Variants in SLC8A1 observed in about 807,000 individuals in gnomAD.
SLC8A1 encodes the protein solute carrier family 8 member A1.
SLC8A1 carries 18 observed loss-of-function variants against 68.3 expected under a neutral mutation model. The observed-to-expected ratio is 0.26, with a 90% CI of 0.18 to 0.39. The LOEUF (loss-of-function observed/expected upper bound fraction) is 0.39, where lower values mean the gene tolerates loss of function less well. Among genes scored for constraint, SLC8A1 ranks in the 10% least tolerant of loss-of-function variants. The pLI is 1.00. For missense variants in SLC8A1, 985 were observed against 1,156.7 expected, an observed-to-expected ratio of 0.85 and a Z score of 2.15; for synonymous variants, 475 against 415.5, an observed-to-expected ratio of 1.14 and a Z score of -1.74.
chr2:40,376,312 T>C (rs1272533756), intron 2 of SLC8A1, among the ~76,000 whole-genome samples: 1 of 152,132 alleles, frequency 6.6e-6, no homozygotes, highest in Non-Finnish European at 1.5e-5. Flanking sequence ...GTCAATATTT[T>C]GGTAAATAAT....
intron 2 of SLC8A1, among the ~76,000 whole-genome samples, chr2:40,203,452 A>G (rs897077523): frequency 6.6e-6 from 1 of 152,008 alleles, no homozygotes; most frequent in Non-Finnish European, 1.5e-5. Flanking sequence ...AAACCTAAAC[A>G]GAAATGTTTT....
chr2:40,402,325 G>A (rs1688990699), intron 2 of SLC8A1, among the ~76,000 whole-genome samples: 1 of 152,190 alleles, frequency 6.6e-6, no homozygotes, highest in African/African-American at 2.4e-5. Context: ...TCAGTTCCAA[G>A]AATTGCCCAC....
intron 2 of SLC8A1, among the ~76,000 whole-genome samples, chr2:40,182,412 T>A (rs2049775214): frequency 2.6e-5 from 4 of 152,170 alleles, no homozygotes; most frequent in Admixed American, 2.6e-4. Context: ...CAGTTACAAA[T>A]CTTACGATAG....
intron 4 of SLC8A1, among the ~76,000 whole-genome samples, chr2:40,171,288 A>G (rs903068476): frequency 7.2e-5 from 11 of 152,234 alleles, no homozygotes; most frequent in African/African-American, 2.4e-4. Flanking sequence ...GGCTTCCTTA[A>G]AAAGTCTTGT....
At chr2:40,303,312 G>A (rs2071891176) in intron 2 of SLC8A1, among the ~76,000 whole-genome samples, 1 of 152,180 alleles carries the variant, frequency 6.6e-6, no homozygotes, top group Non-Finnish European at 1.5e-5. Flanking sequence ...CCGCTTAGTT[G>A]CACACACATT....
intron 2 of SLC8A1, among the ~76,000 whole-genome samples, chr2:40,203,457 T>G (rs1188265205): frequency 7.9e-5 from 12 of 151,970 alleles, no homozygotes; most frequent in Admixed American, 7.2e-4. Context: ...TAAACAGAAA[T>G]GTTTTACATC....
intron 2 of SLC8A1, among the ~76,000 whole-genome samples, chr2:40,182,426 T>G (rs2049782692): frequency 6.6e-6 from 1 of 152,188 alleles, no homozygotes. Flanking sequence ...ACGATAGCAT[T>G]GAAATATTTC....
intron 7 of SLC8A1, among the ~76,000 whole-genome samples, chr2:40,130,467 T>C (rs1292046888): frequency 6.6e-6 from 1 of 152,256 alleles, no homozygotes; most frequent in African/African-American, 2.4e-5. Context: ...GATAAGGTCC[T>C]GTGGAAAGCC....
chr2:40,431,647 T>A (rs1698326873), intron 1 of SLC8A1, among the ~76,000 whole-genome samples: 1 of 152,140 alleles, frequency 6.6e-6, no homozygotes, highest in African/African-American at 2.4e-5. Context: ...GGACTAGTTA[T>A]GACATCAGAT....
intron 2 of SLC8A1, among the ~76,000 whole-genome samples, chr2:40,253,297 C>T (rs1238082840): frequency 5.6e-5 from 8 of 143,984 alleles, no homozygotes; most frequent in African/African-American, 1.7e-4. Context: ...TGTGTATATA[C>T]ACATATATAC....
chr2:40,294,072 T>G (rs2069865209), intron 2 of SLC8A1, among the ~76,000 whole-genome samples: 1 of 152,102 alleles, frequency 6.6e-6, no homozygotes, highest in Non-Finnish European at 1.5e-5. Flanking sequence ...TTGCTGCTCA[T>G]TCACCTCAAA....
At position 40,300,572 on chromosome 2, in the gene SLC8A1, A is replaced by G. The variant is rs149484948; in HGVS notation, c.1809-122717T>C. ...ATGGTAAACTAGTTTCTTGAGCCCC[A>G]CTGTGCCCTTCTGACCCCAGGAATT... is the stretch of plus-strand genomic sequence containing the variant. On this transcript the variant is annotated intron_variant, in intron 2 of 7. Transcript: ENST00000406785. Among the ~76,000 whole-genome samples the G allele has an allele frequency of 2.6e-3, 402 of 152,254 alleles. 4 individuals are homozygous for G. The highest frequency in any genetic ancestry group is 8.7e-3 in the African/African-American group (360 of 41,546).
intron 2 of SLC8A1, among the ~76,000 whole-genome samples, chr2:40,246,080 G>A (rs2061829652): frequency 6.6e-6 from 1 of 152,100 alleles, no homozygotes; most frequent in Non-Finnish European, 1.5e-5. Context: ...TTTTAAAAGT[G>A]TTCATAGGTT....
chr2:40,494,786 G>T (rs969982363), intron 1 of SLC8A1, among the ~76,000 whole-genome samples: 1 of 150,314 alleles, frequency 6.7e-6, no homozygotes, highest in African/African-American at 2.5e-5. Context: ...TCAGCTATTG[G>T]CAGAGCTGGC....
At chr2:40,418,846 G>A (rs561123269) in intron 2 of SLC8A1, among the ~76,000 whole-genome samples, 3 of 152,272 alleles carry the variant, frequency 2.0e-5, no homozygotes, top group Non-Finnish European at 4.4e-5. Context: ...AGAGGAGAGA[G>A]AGCCCTGTAG....
At chr2:40,474,784 C>T (rs981488186) in intron 1 of SLC8A1, among the ~76,000 whole-genome samples, 1 of 152,140 alleles carries the variant, frequency 6.6e-6, no homozygotes, top group South Asian at 2.1e-4. Flanking sequence ...AGCTTGTGCT[C>T]ATGGCTATAA....
chr2:40,405,332 A>G (rs2149675990), intron 2 of SLC8A1, among the ~76,000 whole-genome samples: 1 of 152,356 alleles, frequency 6.6e-6, no homozygotes, highest in South Asian at 2.1e-4. Context: ...AAAAATTTAA[A>G]TAAATATGGG....
At chr2:40,310,628 C>G (rs893756625) in intron 2 of SLC8A1, among the ~76,000 whole-genome samples, 1 of 152,108 alleles carries the variant, frequency 6.6e-6, no homozygotes, top group Non-Finnish European at 1.5e-5. Flanking sequence ...AAATTTAGAG[C>G]TATATTCTTT....
intron 2 of SLC8A1, among the ~76,000 whole-genome samples, chr2:40,401,588 A>C (rs944001855): frequency 6.9e-4 from 89 of 129,300 alleles, no homozygotes; most frequent in Non-Finnish European, 2.0e-4. Context: ...AAAAAAAAAA[A>C]AAGAAAGAAA....
Sources: allele counts gnomAD v4.1 joint callset (sites outside exome capture counted in the v4.1 genomes callset), GRCh38; gene constraint gnomAD v4.1.1; transcripts MANE v1.5; gene names NCBI Gene and HGNC (gene_info 2026-07-23, HGNC 2026-07-21).